The following GRIK4 variants were observed in gnomAD, a reference collection of about 807,000 sequenced individuals.
GRIK4 encodes glutamate receptor ionotropic, kainate 4.
Under a neutral mutation model 104.9 loss-of-function variants are expected in GRIK4, and 40 were observed. That is an observed-to-expected ratio of 0.38 (90% CI 0.30 to 0.50). The LOEUF (loss-of-function observed/expected upper bound fraction) is 0.50, where lower values mean the gene tolerates loss of function less well. Ranked by LOEUF, GRIK4 falls within the 20% of genes least tolerant of loss-of-function variation. The probability of loss-of-function intolerance (pLI) is 0.93; values close to 1 mark genes in which losing one functional copy is unlikely to be tolerated. For synonymous variants in GRIK4, 485 were observed against 524.9 expected (o/e 0.92, Z 1.04); for missense variants, 1,047 against 1,308.1 (o/e 0.80, Z 3.08).
intron 19 of GRIK4, among the ~76,000 whole-genome samples, chr11:120,980,813 A>C (rs1944639133): frequency 6.6e-6 from 1 of 152,158 alleles, no homozygotes; most frequent in Non-Finnish European, 1.5e-5. Context: ...GCAGATTTTC[A>C]GTTGTAGGCA....
At chr11:120,973,765 T>C (rs1944514021) in intron 19 of GRIK4, among the ~76,000 whole-genome samples, 1 of 152,222 alleles carries the variant, frequency 6.6e-6, no homozygotes, top group African/African-American at 2.4e-5. Context: ...CCAAGCCAAG[T>C]AAGAAGCACT....
intron 11 of GRIK4, among the ~76,000 whole-genome samples, chr11:120,880,517 C>T (rs1954938571): frequency 6.6e-6 from 1 of 152,212 alleles, no homozygotes; most frequent in South Asian, 2.1e-4. Context: ...CAAGGCAGGA[C>T]TGGGTCTGCC....
chr11:120,667,151 T>G (rs191377164), intron 3 of GRIK4, among the ~76,000 whole-genome samples: 1 of 152,236 alleles, frequency 6.6e-6, no homozygotes, highest in African/African-American at 2.4e-5. Context: ...CTTTTCACCT[T>G]TGGTCTCTTC....
At chr11:120,684,508 C>A (rs117664726) in intron 3 of GRIK4, among the ~76,000 whole-genome samples, 3,354 of 152,256 alleles carry the variant, frequency 0.022, 47 homozygotes, top group Non-Finnish European at 0.037. Flanking sequence ...TACGAACACA[C>A]ATGAAAAGTG....
chr11:120,936,297 G>T, intron 13 of GRIK4: 1 of 512,860 alleles, frequency 1.9e-6, no homozygotes. Flanking sequence ...ATCACCAATG[G>T]ACAGGCCAGG....
At chr11:120,614,575 G>A (rs149059232) in intron 1 of GRIK4, among the ~76,000 whole-genome samples, 175 of 152,330 alleles carry the variant, frequency 1.1e-3, no homozygotes, top group African/African-American at 3.8e-3. Context: ...ACCCAGGCTT[G>A]GCCATTGCAG....
Position 120,967,501 on chromosome 11 carries a change from C to T in GRIK4, c.2395+178C>T, listed in dbSNP as rs183988417. ...AGGTCTGTCCCAGGGTCTTGCGTATCGCAGGCACCCAGTGTCCACCCGGCT... is the reference window on the plus strand; with the variant it reads ...AGGTCTGTCCCAGGGTCTTGCGTATTGCAGGCACCCAGTGTCCACCCGGCT... On this transcript the variant is annotated intron_variant, in intron 19 of 20. Coordinates refer to ENST00000527524, the MANE Select transcript of GRIK4 (RefSeq NM_014619.5). This position sits in a 1 kb window ranked among gnomAD's most constrained non-coding sequence, Gnocchi z 4.2. Among the ~76,000 whole-genome samples the T allele has an allele frequency of 7.9e-5, 12 of 152,218 alleles. No homozygotes were observed. The highest frequency in any genetic ancestry group is 1.9e-4 in the African/African-American group (8 of 41,540).
chr11:120,784,273 C>A (rs1467492775), intron 3 of GRIK4, among the ~76,000 whole-genome samples: 1 of 152,188 alleles, frequency 6.6e-6, no homozygotes, highest in African/African-American at 2.4e-5. Context: ...CTGGCTCCTT[C>A]CCTGGGGGAT....
intron 13 of GRIK4, among the ~76,000 whole-genome samples, chr11:120,929,214 G>A (rs190646146): frequency 4.6e-5 from 7 of 152,282 alleles, no homozygotes; most frequent in Admixed American, 4.6e-4. Context: ...ACCCCTAAGA[G>A]TTTCTCTTTG....
chr11:120,680,700 CAG>C (rs1275202156), intron 3 of GRIK4, among the ~76,000 whole-genome samples: 9 of 152,156 alleles, frequency 5.9e-5, no homozygotes, highest in African/African-American at 2.2e-4. Flanking sequence ...GGGCAGGAAA[CAG>C]GGACTAACTG....
chr11:120,914,545 C>T (rs780445110), intron 13 of GRIK4, among the ~76,000 whole-genome samples: 21 of 152,060 alleles, frequency 1.4e-4, no homozygotes, highest in Non-Finnish European at 2.5e-4. Flanking sequence ...CAAGAAGGAT[C>T]GCCTTGGCAG....
chr11:120,973,614 ACTTCAGCTACTGTCCCAGCCATAG>A (rs1944511303), intron 19 of GRIK4, among the ~76,000 whole-genome samples: 1 of 152,194 alleles, frequency 6.6e-6, no homozygotes, highest in Non-Finnish European at 1.5e-5. Flanking sequence ...GAAAGCCAGG[ACTTCAGCTACTGTCCCAGCCATAG>A]CTGCTAGTGC....
intron 3 of GRIK4, among the ~76,000 whole-genome samples, chr11:120,786,886 A>G (rs1359650769): frequency 6.6e-6 from 1 of 152,234 alleles, no homozygotes; most frequent in Non-Finnish European, 1.5e-5. Flanking sequence ...TATAGCCATT[A>G]GTATTGAGCC....
intron 3 of GRIK4, among the ~76,000 whole-genome samples, chr11:120,713,334 C>G (rs1324328326): frequency 2.0e-5 from 3 of 152,114 alleles, no homozygotes; most frequent in Non-Finnish European, 4.4e-5. Flanking sequence ...TTTGTGCCCT[C>G]TGCAGATTTT....
intron 19 of GRIK4, among the ~76,000 whole-genome samples, chr11:120,969,369 G>A (rs956441712): frequency 3.9e-5 from 6 of 152,158 alleles, no homozygotes; most frequent in Admixed American, 1.3e-4. Context: ...GGTCGACACC[G>A]TGGGAGGAGG....
In GRIK4 at chr11:120,940,267, A is replaced by T; in HGVS notation, c.1477-80A>T. 1.3e-6 allele frequency: 1 copy of T among 792,360 alleles called. No homozygotes were observed. Among genetic ancestry groups the T allele is most frequent in the Non-Finnish European group, 2.2e-6 (1 of 458,010 alleles). The allele number at this position is 792,360 out of a possible 1,614,324, so 49.1% of individuals were successfully genotyped here. A position where few individuals can be genotyped will look rare whatever the true frequency, so the allele number is the denominator to read the frequency against. On this transcript the variant is annotated intron_variant, in intron 13 of 20. Coordinates refer to ENST00000527524, the MANE Select transcript of GRIK4 (RefSeq NM_014619.5). This position sits in a 1 kb window ranked among gnomAD's most constrained non-coding sequence, Gnocchi z 4.3. The stretch of plus-strand genomic sequence containing the variant: ...AGACCAGCATCACATCTCCAATAGC[A>T]GTGACGGTTGCTGGTCGCAAGTCTC...
At chr11:120,693,111 T>G (rs1442101730) in intron 3 of GRIK4, among the ~76,000 whole-genome samples, 4 of 151,876 alleles carry the variant, frequency 2.6e-5, no homozygotes, top group Non-Finnish European at 4.4e-5. Flanking sequence ...TTTATTATTA[T>G]TATTATTTTT....
chr11:120,890,037 A>C (rs952439807), intron 11 of GRIK4, among the ~76,000 whole-genome samples: 1 of 152,188 alleles, frequency 6.6e-6, no homozygotes, highest in South Asian at 2.1e-4. Flanking sequence ...AAGACCATGT[A>C]GTAAGTTGGA....
In GRIK4 at chr11:120,549,101, G is replaced by A. The variant is rs76924493; in HGVS notation, c.-159+37214G>A. On this transcript the variant is annotated intron_variant, in intron 1 of 20. Coordinates refer to ENST00000527524, the MANE Select transcript of GRIK4 (RefSeq NM_014619.5). The surrounding 1 kb of genome is among the most constrained non-coding windows in gnomAD (Gnocchi z 4.7). ...TCTGAAGGATGCCTGTTTCCTGGCT[G>A]TTTTTTTTTTTCACTGAGACAGAGT... 6.8e-6 allele frequency among the ~76,000 whole-genome samples: 1 copy of A among 147,124 alleles called. No homozygotes were observed. The highest frequency in any genetic ancestry group is 2.5e-5 in the African/African-American group (1 of 40,162).
Sources: allele counts gnomAD v4.1 joint callset (sites outside exome capture counted in the v4.1 genomes callset), GRCh38; gene constraint gnomAD v4.1.1; non-coding constraint Gnocchi (gnomAD v3.1); transcripts MANE v1.5; gene names NCBI Gene and HGNC (gene_info 2026-07-23, HGNC 2026-07-21).